Variants in TRIP12 observed in about 807,000 individuals in gnomAD.
TRIP12 encodes the protein thyroid hormone receptor interactor 12, also known as E3 ubiquitin-protein ligase TRIP12.
TRIP12 carries 25 observed loss-of-function variants against 244.2 expected under a neutral mutation model. That is an observed-to-expected ratio of 0.10 (90% CI 0.07 to 0.14). The LOEUF (loss-of-function observed/expected upper bound fraction) is 0.14, where lower values mean the gene tolerates loss of function less well. TRIP12 is among the 10% of genes least tolerant of loss of function. The pLI, the probability that TRIP12 is intolerant of heterozygous loss-of-function variation, is 1.00. For synonymous variants in TRIP12, 905 were observed against 873.1 expected (o/e 1.04, Z -0.64); for missense variants, 1,677 against 2,486.4 (o/e 0.67, Z 6.92).
At chr2:229,890,646 G>C (rs528743555) in intron 1 of TRIP12, among the ~76,000 whole-genome samples, 347 of 152,238 alleles carry the variant, frequency 2.3e-3, no homozygotes, top group Non-Finnish European at 3.8e-3. Flanking sequence ...AATACAGACT[G>C]TAACTTTAAC....
chr2:229,808,451 G>A (rs1484182187), intron 15 of TRIP12, 82 bp from the exon 16 acceptor site: 4 of 843,168 alleles, frequency 4.7e-6, no homozygotes, highest in African/African-American at 1.7e-5. Context: ...GCCCAAGGGG[G>A]GAAAATAATC....
At chr2:229,771,415 A>T (rs1204981417) in intron 39 of TRIP12, 104 bp downstream of exon 39, 30 of 908,680 alleles carry the variant, frequency 3.3e-5, no homozygotes, top group Non-Finnish European at 1.5e-5. Flanking sequence ...TCTAACACCC[A>T]TTTTTTTGTT....
At chr2:229,843,881 AAAGAAAAGG>A (rs1382645159) in intron 4 of TRIP12, among the ~76,000 whole-genome samples, 3 of 152,048 alleles carry the variant, frequency 2.0e-5, no homozygotes, top group Admixed American at 2.0e-4. Context: ...GACCTTGCGA[AAAGAAAAGG>A]AAGAAAAGGA....
chr2:229,784,437 T>C (rs1192247885), intron 34 of TRIP12, among the ~76,000 whole-genome samples: 1 of 148,330 alleles, frequency 6.7e-6, no homozygotes, highest in African/African-American at 2.5e-5. Flanking sequence ...ATAAAACTTC[T>C]AGAAAAACAA....
chr2:229,847,400 T>C (rs2057782649), intron 4 of TRIP12, among the ~76,000 whole-genome samples: 1 of 152,206 alleles, frequency 6.6e-6, no homozygotes, highest in South Asian at 2.1e-4. Context: ...TACTTTTGCA[T>C]ATGCCTAGCG....
At chr2:229,820,652 G>A (rs374429128) in intron 8 of TRIP12, among the ~76,000 whole-genome samples, 21 of 152,050 alleles carry the variant, frequency 1.4e-4, no homozygotes, top group South Asian at 1.0e-3. Flanking sequence ...CAAGTGGTGC[G>A]GTCTCAGCTC....
At chr2:229,871,292 C>A (rs2062556869) in intron 2 of TRIP12, among the ~76,000 whole-genome samples, 4 of 152,136 alleles carry the variant, frequency 2.6e-5, no homozygotes, top group Admixed American at 2.6e-4. Flanking sequence ...TCCCAATTTT[C>A]TTTGCAATAT....
chr2:229,823,985 G>A (rs1442165841), intron 8 of TRIP12, among the ~76,000 whole-genome samples: 2 of 152,068 alleles, frequency 1.3e-5, no homozygotes, highest in African/African-American at 4.8e-5. Context: ...TAAGAGCACT[G>A]CAAAGGTTAA....
rs551486010 is a variant in TRIP12, at chr2:229,781,642, T to C, written c.5095-2652A>G. ...TTGGGTGGCTTGTGAGCCCAAAGAC[T>C]GGTATAATCCTTCCCTGGCTTACCA... On this transcript the variant is annotated intron_variant, in intron 34 of 41. Coordinates refer to ENST00000675903, the MANE Select transcript of TRIP12 (RefSeq NM_001348323.3). 2.0e-5 allele frequency among the ~76,000 whole-genome samples: 3 copies of C among 152,320 alleles called. No individual in the cohort carries two copies. In the South Asian group the frequency reaches 6.2e-4, roughly 32 times the overall value.
intron 1 of TRIP12, among the ~76,000 whole-genome samples, chr2:229,885,630 TG>T (rs1223178952): frequency 6.6e-6 from 1 of 152,228 alleles, no homozygotes; most frequent in Admixed American, 6.5e-5. Context: ...ATCACCCTTG[TG>T]TATAAAAGAA....
At chr2:229,914,770 C>A (rs2075056967) in intron 1 of TRIP12, among the ~76,000 whole-genome samples, 1 of 152,170 alleles carries the variant, frequency 6.6e-6, no homozygotes, top group South Asian at 2.1e-4. Context: ...CACTGAAATG[C>A]TGTAACTTCA....
At chr2:229,815,456 T>C (rs1466921118) in intron 9 of TRIP12, 148 bp from the exon 10 acceptor site, 3 of 557,380 alleles carry the variant, frequency 5.4e-6, no homozygotes, top group African/African-American at 3.8e-5. Flanking sequence ...TAAAACCTAG[T>C]AGGCGTTCAC....
chr2:229,770,100 A>C (rs1167065860), intron 39 of TRIP12, among the ~76,000 whole-genome samples: 1 of 152,116 alleles, frequency 6.6e-6, no homozygotes, highest in African/African-American at 2.4e-5. Context: ...CCTTCCAAGT[A>C]GCTGAGACTA....
chr2:229,774,069 C>A lies in TRIP12; in HGVS notation c.5694+28G>T. The stretch of plus-strand genomic sequence containing the variant: ...CAAAGTCCTCCGTCTTCACAACTGG[C>A]CTACCCCCCAAAGACACAGTTACAT... On this transcript the variant is annotated intron_variant, in intron 38 of 41. Transcript: ENST00000675903. 3 of 1,602,402 alleles carry A rather than the reference C, an allele frequency of 1.9e-6. 1 individual carries two copies. In the South Asian group the frequency reaches 3.4e-5, roughly 18 times the overall value.
chr2:229,855,585 C>T (rs1489573578), intron 4 of TRIP12, among the ~76,000 whole-genome samples: 1 of 75,184 alleles, frequency 1.3e-5, no homozygotes, highest in Non-Finnish European at 2.6e-5. Flanking sequence ...CAGTAAAACA[C>T]AGAAACTAAC....
chr2:229,919,285 G>A (rs1405783165), intron 1 of TRIP12, among the ~76,000 whole-genome samples: 3 of 152,156 alleles, frequency 2.0e-5, no homozygotes, highest in East Asian at 1.9e-4. Flanking sequence ...GCGTGGTGGC[G>A]CGTGCCTGTA....
In TRIP12 at chr2:229,859,332, C is replaced by T; in HGVS notation, c.467G>A (p.Arg156Lys). 1 of 1,614,214 alleles carries T rather than the reference C, an allele frequency of 6.2e-7. No homozygotes were observed. Among genetic ancestry groups the T allele is most frequent in the Non-Finnish European group, 8.5e-7 (1 of 1,180,048 alleles). Residue 156 changes from arginine (R) to lysine (K), a missense_variant, in exon 4 of 42, where the codon AGA (arginine) becomes AAA (lysine). This residue lies in a region of TRIP12 where 387 missense variants were observed against 392.6 expected (regional missense o/e 0.99). Transcript: ENST00000675903. The stretch of plus-strand genomic sequence containing the variant: ...CAGTTGTTGCTCCTGGTCTAAATGT[C>T]TCTTCTTTGACTTACTATGTGGCTT... Reference protein sequence around the residue: ...TNKPHSKSKKRHLDQEQQLKS... With the variant: ...TNKPHSKSKKKHLDQEQQLKS...
At chr2:229,867,546 C>G (rs1432157207) in intron 2 of TRIP12, among the ~76,000 whole-genome samples, 2 of 151,930 alleles carry the variant, frequency 1.3e-5, no homozygotes, top group Admixed American at 1.3e-4. Context: ...AAAAAGGAGC[C>G]CTCTGCCTTC....
At chr2:229,784,121 A>AAG (rs1372126466) in intron 34 of TRIP12, among the ~76,000 whole-genome samples, 3 of 151,280 alleles carry the variant, frequency 2.0e-5, no homozygotes, top group Non-Finnish European at 2.9e-5. Flanking sequence ...AAAAAAAAAA[A>AAG]AGAGAGAGAA....
Sources: gnomAD v4.1 joint callset for allele counts (sites outside exome capture counted in the v4.1 genomes callset) on GRCh38, gnomAD v4.1.1 for gene constraint, gnomAD v4.1.1 regional missense constraint, MANE v1.5 for transcripts, NCBI Gene and HGNC (gene_info 2026-07-23, HGNC 2026-07-21) for gene names.